ACSM3: variants seen among roughly 807,000 people sequenced by gnomAD.
ACSM3 encodes acyl-coenzyme A synthetase ACSM3, mitochondrial.
A neutral mutation model predicts 74.1 loss-of-function variants in ACSM3; 61 were observed. The ratio of observed to expected loss-of-function variants is 0.82; its 90% confidence interval spans 0.67 to 1.02. ACSM3 has a LOEUF of 1.02. ACSM3 is among the 50% of genes least tolerant of loss of function. ACSM3 has a pLI of 0.00. For synonymous variants in ACSM3, 213 were observed against 241.5 expected, an observed-to-expected ratio of 0.88 and a Z score of 1.09; for missense variants, 660 against 697.0, an observed-to-expected ratio of 0.95 and a Z score of 0.60.
intron 12 of ACSM3, among the ~76,000 whole-genome samples, chr16:20,795,517 A>G (rs1049001800): frequency 1.1e-4 from 16 of 152,244 alleles, no homozygotes; most frequent in African/African-American, 3.9e-4. Context: ...GTGGATAGGA[A>G]ATGTTGCCAG....
At chr16:20,742,385 C>G (rs936040645) in intron 1 of ACSM3, among the ~76,000 whole-genome samples, 19 of 152,046 alleles carry the variant, frequency 1.2e-4, no homozygotes, top group African/African-American at 4.6e-4. Flanking sequence ...CGGCCGGGCA[C>G]GGTGGCTCAC....
chr16:20,795,181 G>A (rs1233591478), intron 12 of ACSM3, among the ~76,000 whole-genome samples: 4 of 152,186 alleles, frequency 2.6e-5, no homozygotes, highest in Non-Finnish European at 5.9e-5. Flanking sequence ...AAATGTTCAA[G>A]TGTTGTTGTT....
At chr16:20,785,869 T>C (rs234282) in intron 8 of ACSM3, among the ~76,000 whole-genome samples, 2 of 152,204 alleles carry the variant, frequency 1.3e-5, no homozygotes, top group Non-Finnish European at 2.9e-5. Context: ...TTGATAAATA[T>C]GGATATATGA....
chr16:20,708,015 T>A (rs12923149), intron 1 of ACSM3, among the ~76,000 whole-genome samples: 74,018 of 152,112 alleles, frequency 0.49, 18,952 homozygotes, highest in Non-Finnish European at 0.58. Context: ...ATAAAAGTTT[T>A]TCTTGCAGGG....
intron 1 of ACSM3, among the ~76,000 whole-genome samples, chr16:20,744,042 G>A (rs2079947901): frequency 6.6e-6 from 1 of 152,160 alleles, no homozygotes; most frequent in Non-Finnish European, 1.5e-5. Flanking sequence ...CAACCTGTTG[G>A]CCCACAGTCA....
At chr16:20,721,571 C>T (rs748733761) in intron 1 of ACSM3, 7 of 152,104 alleles carry the variant, frequency 4.6e-5, no homozygotes, top group Non-Finnish European at 8.8e-5. Context: ...TGGGGTTGCA[C>T]CTTCTATGAC....
intron 9 of ACSM3, among the ~76,000 whole-genome samples, chr16:20,788,554 A>AGGGCATCTGCAGTAACATTC (rs1393193292): frequency 4.6e-5 from 7 of 152,206 alleles, no homozygotes; most frequent in Admixed American, 4.6e-4. Flanking sequence ...TCCTTAGCTA[A>AGGGCATCTGCAGTAACATTC]GGGCATCTGC....
intron 1 of ACSM3, chr16:20,719,397 C>A: frequency 4.2e-6 from 1 of 240,192 alleles, no homozygotes; most frequent in South Asian, 7.7e-5. Flanking sequence ...AAGTCATGTC[C>A]TCCAGCTAGA....
At chr16:20,783,873 T>C (rs1020588721) in intron 7 of ACSM3, among the ~76,000 whole-genome samples, 2 of 151,408 alleles carry the variant, frequency 1.3e-5, no homozygotes, top group Admixed American at 1.3e-4. Context: ...AGTGGCACAA[T>C]CTCGGCTCAC....
intron 1 of ACSM3, chr16:20,736,760 A>T: frequency 1.0e-6 from 1 of 986,220 alleles, no homozygotes; most frequent in Non-Finnish European, 1.5e-6. Flanking sequence ...CACTACTGTG[A>T]GAACAGCATA....
At chr16:20,724,732 A>G (rs2152398351) in intron 1 of ACSM3, among the ~76,000 whole-genome samples, 1 of 152,316 alleles carries the variant, frequency 6.6e-6, no homozygotes, top group Non-Finnish European at 1.5e-5. Context: ...CTTATACACC[A>G]ATAACAGACA....
chr16:20,723,367 A>G (rs2079792863), intron 1 of ACSM3, among the ~76,000 whole-genome samples: 1 of 152,198 alleles, frequency 6.6e-6, no homozygotes, highest in South Asian at 2.1e-4. Flanking sequence ...TCTTTATAGC[A>G]GCATGATTTA....
At chr16:20,778,858 C>T (rs929738368) in intron 4 of ACSM3, among the ~76,000 whole-genome samples, 1 of 152,248 alleles carries the variant, frequency 6.6e-6, no homozygotes, top group Admixed American at 6.5e-5. Flanking sequence ...TCAAGCGATT[C>T]TCCTGCCTCA....
intron 1 of ACSM3, among the ~76,000 whole-genome samples, chr16:20,711,134 T>C (rs974749298): frequency 6.6e-6 from 1 of 152,112 alleles, no homozygotes; most frequent in African/African-American, 2.4e-5. Flanking sequence ...AAATGTTACA[T>C]AATAATGGCC....
chr16:20,779,388 C>T (rs1203433605), intron 4 of ACSM3, among the ~76,000 whole-genome samples: 1 of 148,070 alleles, frequency 6.8e-6, no homozygotes, highest in Non-Finnish European at 1.5e-5. Context: ...TGAGCCACTG[C>T]ACTCCAGCCT....
chr16:20,726,562 C>A (rs1496761), intron 1 of ACSM3, among the ~76,000 whole-genome samples: 2,719 of 152,304 alleles, frequency 0.018, 79 homozygotes, highest in African/African-American at 0.061. Context: ...TTGTATTCTA[C>A]CCACATCCTC....
At chr16:20,769,209 A>G (rs538727228) in intron 1 of ACSM3, among the ~76,000 whole-genome samples, 1 of 152,318 alleles carries the variant, frequency 6.6e-6, no homozygotes, top group African/African-American at 2.4e-5. Context: ...TAATGAGGAG[A>G]ATCTCAAACA....
rs2079749454 is a variant in ACSM3, at chr16:20,713,098, T to C, written c.-189-36812T>C. Among the ~76,000 whole-genome samples, 4 of 152,204 alleles carry C rather than the reference T, an allele frequency of 2.6e-5. No individual in the cohort carries two copies. The South Asian group carries it at 8.3e-4, about 31-fold the overall frequency. On this transcript the variant is annotated intron_variant, in intron 1 of 3. Transcript: ENST00000561584. ...CAGTGAATATTGCTTGTGTCTTTTA[T>C]AAGCTGTGTAACCTTGGATAAGTAA...
At chr16:20,715,790 T>TA (rs2079759653) in intron 1 of ACSM3, among the ~76,000 whole-genome samples, 3 of 152,172 alleles carry the variant, frequency 2.0e-5, no homozygotes, top group Admixed American at 6.5e-5. Flanking sequence ...CATCACTGAG[T>TA]AACAAACCAT....
Sources: gnomAD v4.1 joint callset for allele counts (sites outside exome capture counted in the v4.1 genomes callset) on GRCh38, gnomAD v4.1.1 for gene constraint, MANE v1.5 for transcripts, NCBI Gene and HGNC (gene_info 2026-07-23, HGNC 2026-07-21) for gene names.